Variants in SUPT5H observed in about 807,000 individuals in gnomAD.
SUPT5H encodes transcription elongation factor SPT5.
A neutral mutation model predicts 142.5 loss-of-function variants in SUPT5H; 24 were observed. That is an observed-to-expected ratio of 0.17 (90% confidence interval 0.12 to 0.24). The LOEUF is 0.24. Among genes scored for constraint, SUPT5H ranks in the 10% least tolerant of loss-of-function variants. SUPT5H has a pLI of 1.00. For synonymous variants in SUPT5H, 546 were observed against 553.0 expected, an observed-to-expected ratio of 0.99 and a Z score of 0.18; for missense variants, 893 against 1,471.8, an observed-to-expected ratio of 0.61 and a Z score of 6.43.
intron 2 of SUPT5H, among the ~76,000 whole-genome samples, chr19:39,450,692 G>A (rs1292726891): frequency 1.3e-5 from 2 of 152,198 alleles, no homozygotes; most frequent in Non-Finnish European, 1.5e-5. Context: ...TCTAGGTTGG[G>A]GATGATGAAA....
intron 10 of SUPT5H, among the ~76,000 whole-genome samples, chr19:39,461,551 G>A (rs187908896): frequency 2.6e-5 from 4 of 152,042 alleles, no homozygotes; most frequent in South Asian, 2.1e-4. Flanking sequence ...GGCCGGGCGC[G>A]GTGGCTCACG....
chr19:39,473,054 G>A lies in SUPT5H; in HGVS notation c.2198G>A (p.Arg733His). The A allele has an allele frequency of 6.2e-7, 1 of 1,613,746 alleles. No individual in the cohort carries two copies. Among genetic ancestry groups the A allele is most frequent in the Non-Finnish European group, 8.5e-7 (1 of 1,179,906 alleles). The change falls in exon 23 of 30, where the codon CGT becomes CAT. Residue 733 changes from arginine to histidine, a missense_variant. Transcript: ENST00000432763. The surrounding 1 kb of genome is among the most constrained non-coding windows in gnomAD (Gnocchi z 5.8). Reference protein sequence around the residue: ...VVKDATESTARVELHSTCQTI... With the variant: ...VVKDATESTAHVELHSTCQTI... ...AAAGATGCCACAGAGTCCACGGCCC[G>A]TGTGGAGCTGCACTCCACCTGCCAG...
Position 39,473,564 on chromosome 19 carries a change from G to T in SUPT5H, c.2492+43G>T. 1.3e-6 allele frequency: 2 copies of T among 1,582,192 alleles called. No homozygotes were observed. Among genetic ancestry groups the T allele is most frequent in the East Asian group, 2.2e-5 (1 of 44,614 alleles). On this transcript the variant is annotated intron_variant, in intron 25 of 29. Coordinates refer to ENST00000432763, the MANE Select transcript of SUPT5H (RefSeq NM_001111020.3). The surrounding 1 kb of genome is among the most constrained non-coding windows in gnomAD (Gnocchi z 5.8). Reference sequence around the variant, plus strand: ...CAGGTTCTGGTGTGTGCTGGTGTGTGTGAGGGATGATGCTGGGTGTCTGGG... The same window carrying T: ...CAGGTTCTGGTGTGTGCTGGTGTGTTTGAGGGATGATGCTGGGTGTCTGGG...
chr19:39,472,682 G>A lies in SUPT5H; in HGVS notation c.2036-128G>A. 2 of 1,448,166 alleles carry A rather than the reference G, an allele frequency of 1.4e-6. No individual in the cohort carries two copies. Among genetic ancestry groups the A allele is most frequent in the Non-Finnish European group, 1.8e-6 (2 of 1,084,868 alleles). The allele number at this position is 1,448,166 out of a possible 1,614,324, so 89.7% of individuals were successfully genotyped here. On this transcript the variant is annotated intron_variant, in intron 21 of 29. Transcript: ENST00000432763. This position sits in a 1 kb window ranked among gnomAD's most constrained non-coding sequence, Gnocchi z 4.2. Reference sequence around the variant, plus strand: ...AGGGCTTCCATAGGAAAGCCATGGGGCAGGGGTGGGCAGAGGAGGCTCTTA... The same window carrying A: ...AGGGCTTCCATAGGAAAGCCATGGGACAGGGGTGGGCAGAGGAGGCTCTTA...
intron 10 of SUPT5H, among the ~76,000 whole-genome samples, chr19:39,460,690 G>A (rs925050363): frequency 6.6e-6 from 1 of 152,056 alleles, no homozygotes; most frequent in Non-Finnish European, 1.5e-5. Flanking sequence ...AGCCGAGATC[G>A]CATCACTGCA....
At position 39,470,400 on chromosome 19, in the gene SUPT5H, G is replaced by C; in HGVS notation, c.1554G>C (p.Leu518=). Reference sequence around the variant, plus strand: ...AGCTGAAGGTGCTCCCCCGGGACCTGCAGCTCTGCTCAGAGACAGCATCAG... The same window carrying C: ...AGCTGAAGGTGCTCCCCCGGGACCTCCAGCTCTGCTCAGAGACAGCATCAG... ...MHELKVLPRD[L]QLCSETASGV... Residue 518 remains leucine, a synonymous_variant, in exon 18 of 30, where the codon CTG becomes CTC. Transcript: ENST00000432763. The surrounding 1 kb of genome is among the most constrained non-coding windows in gnomAD (Gnocchi z 5.8). The C allele has an allele frequency of 6.3e-7, 1 of 1,593,286 alleles. No individual in the cohort carries two copies. The highest frequency in any genetic ancestry group is 1.1e-5 in the South Asian group (1 of 88,454).
chr19:39,445,679 G>A (rs45444292), intron 1 of SUPT5H, 42 bp downstream of exon 1: 1 of 597,102 alleles, frequency 1.7e-6, no homozygotes, highest in Non-Finnish European at 3.0e-6. Context: ...GCGCCGGGGA[G>A]GTGTAGAGAA....
In SUPT5H at chr19:39,461,693, G is replaced by A. The variant is rs1474754399; in HGVS notation, c.624+1733G>A. 4.0e-5 allele frequency among the ~76,000 whole-genome samples: 6 copies of A among 151,710 alleles called. No individual in the cohort carries two copies. In the East Asian group the frequency reaches 5.9e-4, roughly 15 times the overall value. ...CAAAAGATTAGCCAGGGGTGGTGGT[G>A]CATGTCTATAATCCCAGCTACTTGG... is the stretch of plus-strand genomic sequence containing the variant. On this transcript the variant is annotated intron_variant, in intron 10 of 29. Transcript: ENST00000432763.
rs1346684271 is a variant in SUPT5H, at chr19:39,445,958, A to G, written c.68A>G (p.Glu23Gly). 4 of 1,612,784 alleles carry G rather than the reference A, an allele frequency of 2.5e-6. No individual in the cohort carries two copies. Among genetic ancestry groups the G allele is most frequent in the African/African-American group, 1.3e-5 (1 of 74,926 alleles). ...EDSERSSDGE[E>G]AEVDEERRSA... ...AGCGAGCGCAGCAGTGACGGCGAGG[A>G]GGCCGAGGTCTGTGGCTGGGGCGCT... The change falls in exon 2 of 30, where the codon GAG (glutamate) becomes GGG (glycine). Residue 23 changes from glutamate (E) to glycine (G), a missense_variant. Glu to Gly is a moderately conservative substitution (Grantham distance 98). Around this residue, in one of 6 missense-constraint regions of SUPT5H, gnomAD observed 70 missense variants for 70.5 expected, o/e 0.99. Transcript: ENST00000432763.
At chr19:39,464,480 C>G (rs2079208740) in intron 10 of SUPT5H, among the ~76,000 whole-genome samples, 1 of 152,242 alleles carries the variant, frequency 6.6e-6, no homozygotes, top group African/African-American at 2.4e-5. Context: ...CCTGCTCAGC[C>G]TCCTGAGTAG....
intron 2 of SUPT5H, among the ~76,000 whole-genome samples, chr19:39,448,196 C>T (rs752795462): frequency 9.9e-5 from 15 of 152,154 alleles, no homozygotes; most frequent in African/African-American, 3.4e-4. Flanking sequence ...TTCTGGAAAA[C>T]GTTTGGTAGA....
At chr19:39,456,453 CTG>C (rs2079091689) in intron 3 of SUPT5H, among the ~76,000 whole-genome samples, 2 of 149,628 alleles carry the variant, frequency 1.3e-5, no homozygotes, top group African/African-American at 2.5e-5. Flanking sequence ...GAGTTTCCCT[CTG>C]TTGCCCAGGC....
In SUPT5H at chr19:39,473,158, C is replaced by T; in HGVS notation, c.2258+44C>T. The T allele has an allele frequency of 6.2e-7, 1 of 1,610,706 alleles. No individual in the cohort carries two copies. The highest frequency in any genetic ancestry group is 8.5e-7 in the Non-Finnish European group (1 of 1,179,530). On this transcript the variant is annotated intron_variant, in intron 23 of 29. Transcript: ENST00000432763. The surrounding 1 kb of genome is among the most constrained non-coding windows in gnomAD (Gnocchi z 5.8). ...GAGGGCCAGGGTGGGGCTTGCTAGG[C>T]AGTGAGAGGGGTCTGCTCACCCCAT... is the stretch of plus-strand genomic sequence containing the variant.
intron 2 of SUPT5H, among the ~76,000 whole-genome samples, chr19:39,452,011 G>A (rs1443596556): frequency 6.6e-6 from 1 of 152,158 alleles, no homozygotes; most frequent in Non-Finnish European, 1.5e-5. Flanking sequence ...AGGAGGCTGG[G>A]GTAAGGATCC....
Position 39,471,409 on chromosome 19 carries a change from G to A in SUPT5H, c.1730G>A (p.Arg577Gln), listed in dbSNP as rs752482104. The A allele has an allele frequency of 9.9e-6, 16 of 1,614,084 alleles. No homozygotes were observed. The highest frequency in any genetic ancestry group is 3.3e-5 in the Admixed American group (2 of 60,002). Residue 577 changes from arginine to glutamine, a missense_variant, in exon 19 of 30, where the codon CGG (arginine) becomes CAG (glutamine). Physicochemically the swap from Arg to Gln is conservative, Grantham distance 43 (BLOSUM62 1). This residue lies in a region of SUPT5H where 428 missense variants were observed against 763.5 expected (regional missense o/e 0.56). Transcript: ENST00000432763. ...VVTVRHQAVTRKKDNRFAVAL... is the reference protein window; with the variant it reads ...VVTVRHQAVTQKKDNRFAVAL... ...ACTGTCAGACATCAGGCTGTGACCC[G>A]GAAGAAGGACAACCGCTTTGCTGTG...
intron 2 of SUPT5H, among the ~76,000 whole-genome samples, chr19:39,449,086 TCTCAAAA>T (rs1159898844): frequency 6.7e-6 from 1 of 150,208 alleles, no homozygotes; most frequent in Non-Finnish European, 1.5e-5. Flanking sequence ...CGAGACTGCA[TCTCAAAA>T]AACAAAAAAC....
At chr19:39,475,999 C>T (rs1384842370) in intron 28 of SUPT5H, 82 bp from the exon 29 acceptor site, 2 of 1,333,056 alleles carry the variant, frequency 1.5e-6, no homozygotes, top group East Asian at 2.3e-5. Context: ...AGAATGAGCC[C>T]TGAGCCTGTG....
At chr19:39,457,579 G>A in intron 3 of SUPT5H, 96 bp from the exon 4 acceptor site, 1 of 1,557,944 alleles carries the variant, frequency 6.4e-7, no homozygotes. Flanking sequence ...GTGCGGTGGG[G>A]ATTTGTAGTG....
chr19:39,460,833 G>A (rs74911223), intron 10 of SUPT5H, among the ~76,000 whole-genome samples: 4,899 of 152,270 alleles, frequency 0.032, 158 homozygotes, highest in African/African-American at 0.086. Flanking sequence ...CAGGGCAAAC[G>A]CTATGAAGGG....
Sources: allele counts gnomAD v4.1 joint callset (sites outside exome capture counted in the v4.1 genomes callset), GRCh38; gene constraint gnomAD v4.1.1; regional missense constraint gnomAD v4.1.1; non-coding constraint Gnocchi (gnomAD v3.1); transcripts MANE v1.5; gene names NCBI Gene and HGNC (gene_info 2026-07-23, HGNC 2026-07-21).